Variants in MYCBP2 observed in about 807,000 individuals in gnomAD.
MYCBP2 encodes the protein MYC binding protein 2.
In MYCBP2, 120 loss-of-function variants were observed where a neutral mutation model predicts 525.3. The ratio of observed to expected loss-of-function variants is 0.23; its 90% CI spans 0.20 to 0.27. The LOEUF (loss-of-function observed/expected upper bound fraction) is 0.27, where lower values mean the gene tolerates loss of function less well. MYCBP2 is among the 10% of genes least tolerant of loss of function. The pLI is 1.00. For missense variants in MYCBP2, 4,149 were observed against 5,657.1 expected (o/e 0.73, Z 8.55); for synonymous variants, 1,894 against 1,955.8 (o/e 0.97, Z 0.83).
intron 39 of MYCBP2, 139 bp downstream of exon 39, chr13:77,169,475 T>C: frequency 1.6e-6 from 1 of 640,302 alleles, no homozygotes; most frequent in Middle Eastern, 4.4e-4. Flanking sequence ...AGTTTAATAA[T>C]TAGCAGATCT....
chr13:77,154,230 T>G (rs757902325), intron 46 of MYCBP2, among the ~76,000 whole-genome samples: 9 of 152,078 alleles, frequency 5.9e-5, no homozygotes, highest in Non-Finnish European at 1.5e-5. Context: ...TAGATAGTAT[T>G]TAGAGTGGTT....
chr13:77,062,535 G>C (rs1594138446), intron 74 of MYCBP2, 61 bp downstream of exon 74: 1 of 1,377,318 alleles, frequency 7.3e-7, no homozygotes, highest in East Asian at 2.3e-5. Flanking sequence ...TTGTTTTTAA[G>C]CTAAGCTAAA....
At chr13:77,295,335 T>A (rs1053417276) in intron 2 of MYCBP2, among the ~76,000 whole-genome samples, 1 of 152,128 alleles carries the variant, frequency 6.6e-6, no homozygotes, top group South Asian at 2.1e-4. Context: ...GGTTTCACCA[T>A]GTTGGCCAGG....
chr13:77,100,940 A>G (rs1457844552), intron 55 of MYCBP2, among the ~76,000 whole-genome samples: 1 of 152,124 alleles, frequency 6.6e-6, no homozygotes, highest in East Asian at 1.9e-4. Flanking sequence ...AAACTGTTCA[A>G]AAGTAGTTCA....
chr13:77,204,226 A>C (rs2063008833), intron 26 of MYCBP2, among the ~76,000 whole-genome samples: 1 of 152,136 alleles, frequency 6.6e-6, no homozygotes, highest in African/African-American at 2.4e-5. Context: ...CCCCATCAAA[A>C]AGTGGGTGAA....
rs79698158 is a variant in MYCBP2, at chr13:77,217,964, T to A, written c.2940-7A>T. ...AACAAGAGTGGGACATCCCCTAGGT[T>A]AAAAAAAAAAAAAGTAAGTCAATTT... On this transcript the variant is annotated splice_polypyrimidine_tract_variant and splice_region_variant and intron_variant, in intron 20 of 82. Transcript: ENST00000544440. 63 of 1,403,260 alleles carry A rather than the reference T, an allele frequency of 4.5e-5. No individual in the cohort carries two copies. In the East Asian group the frequency reaches 1.1e-3, roughly 26 times the overall value. The allele number at this position is 1,403,260 out of a possible 1,614,324, so 86.9% of individuals were successfully genotyped here. A position where few individuals can be genotyped will look rare whatever the true frequency, so the allele number is the denominator to read the frequency against.
In MYCBP2 at chr13:77,098,509, C is replaced by A; in HGVS notation, c.8645G>T (p.Arg2882Leu). The change falls in exon 56 of 83, where the codon CGC becomes CTC. Residue 2882 changes from arginine to leucine, a missense_variant. Physicochemically the swap from Arg to Leu is moderately radical, Grantham distance 102. Coordinates refer to ENST00000544440, the MANE Select transcript of MYCBP2 (RefSeq NM_015057.5). ...TTCTGTGAGGGGCATTTTCTTCTTG[C>A]GGAGGGTATCTGGATCAAGTGTGTA... ...DSYTLDPDTL[R>L]KKKMPLTEPL... 2 of 1,613,658 alleles carry A rather than the reference C, an allele frequency of 1.2e-6. No individual in the cohort carries two copies. Among genetic ancestry groups the A allele is most frequent in the Non-Finnish European group, 8.5e-7 (1 of 1,179,806 alleles).
In MYCBP2 at chr13:77,270,305, T is replaced by G. The variant is rs756984240; in HGVS notation, c.1179A>C (p.Gly393=). The G allele has an allele frequency of 6.2e-7, 1 of 1,611,162 alleles. No homozygotes were observed. Among genetic ancestry groups the G allele is most frequent in the Non-Finnish European group, 8.5e-7 (1 of 1,178,048 alleles). The change falls in exon 6 of 83, where the codon GGA becomes GGC. Residue 393 remains glycine, a synonymous_variant. Transcript: ENST00000544440. ...TAAGGAATCACATTACCCTAACTGT[T>G]CCACTGTATCCAGAGCCTATTTTAT... is the stretch of plus-strand genomic sequence containing the variant. The part of the protein sequence containing the change: ...GLYKIGSGYS[G]TVRGHIYNST...
At chr13:77,288,527 T>TC (rs2077127521) in intron 2 of MYCBP2, 151 bp from the exon 3 acceptor site, 1 of 680,690 alleles carries the variant, frequency 1.5e-6, no homozygotes, top group South Asian at 2.0e-5. Flanking sequence ...GGACCCAACT[T>TC]CTAGTCCCCT....
intron 32 of MYCBP2, among the ~76,000 whole-genome samples, chr13:77,184,349 T>C (rs970407060): frequency 6.6e-6 from 1 of 152,364 alleles, no homozygotes; most frequent in East Asian, 1.9e-4. Context: ...TGAAAATATA[T>C]TCTTTCACAT....
chr13:77,083,861 T>A (rs1430075833), intron 62 of MYCBP2, among the ~76,000 whole-genome samples: 2 of 152,144 alleles, frequency 1.3e-5, no homozygotes, highest in Non-Finnish European at 2.9e-5. Context: ...GCCACCTAGA[T>A]GCCCTCCCAC....
At chr13:77,314,009 G>A (rs2080602755) in intron 1 of MYCBP2, among the ~76,000 whole-genome samples, 1 of 151,902 alleles carries the variant, frequency 6.6e-6, no homozygotes, top group Non-Finnish European at 1.5e-5. Flanking sequence ...AACATCAAAT[G>A]TTGGCGAGGC....
intron 13 of MYCBP2, among the ~76,000 whole-genome samples, chr13:77,258,232 A>G (rs1414700521): frequency 1.3e-5 from 2 of 152,236 alleles, no homozygotes; most frequent in East Asian, 3.8e-4. Flanking sequence ...TAGTATATTG[A>G]CATGAAATTG....
At position 77,270,524 on chromosome 13, in the gene MYCBP2, T is replaced by C; in HGVS notation, c.960A>G (p.Leu320=). The C allele has an allele frequency of 6.2e-7, 1 of 1,606,770 alleles. No individual in the cohort carries two copies. The highest frequency in any genetic ancestry group is 8.5e-7 in the Non-Finnish European group (1 of 1,175,406). ...CTTGTACACTTCTCTGTAGCGAATT[T>C]AGAATTGTTGGCACCTAATCAAAAG... The part of the protein sequence containing the change: ...ACQTIQVPTI[L]NSLQRSVQAV... Residue 320 remains leucine, a synonymous_variant, in exon 6 of 83, where the codon CTA becomes CTG. Transcript: ENST00000544440.
intron 44 of MYCBP2, among the ~76,000 whole-genome samples, chr13:77,159,943 T>C (rs182866187): frequency 6.6e-6 from 1 of 152,318 alleles, no homozygotes; most frequent in Admixed American, 6.5e-5. Flanking sequence ...GGTACAAAGA[T>C]TTAACTTTAA....
At chr13:77,102,213 T>C (rs1408840579) in intron 55 of MYCBP2, among the ~76,000 whole-genome samples, 4 of 151,826 alleles carry the variant, frequency 2.6e-5, no homozygotes, top group Non-Finnish European at 4.4e-5. Flanking sequence ...GCATGATATA[T>C]AGCATATATC....
intron 52 of MYCBP2, among the ~76,000 whole-genome samples, chr13:77,128,541 A>G (rs1477264245): frequency 1.3e-5 from 2 of 151,928 alleles, no homozygotes; most frequent in Admixed American, 1.3e-4. Context: ...AAACTTGTTA[A>G]AAATTTAAAA....
chr13:77,300,552 T>C (rs534968972), intron 1 of MYCBP2, among the ~76,000 whole-genome samples: 1 of 152,310 alleles, frequency 6.6e-6, no homozygotes, highest in Admixed American at 6.5e-5. Context: ...TCTGTGGGTC[T>C]TTGTTTGCTC....
chr13:77,317,076 A>G (rs922294530), intron 1 of MYCBP2, among the ~76,000 whole-genome samples: 32 of 151,930 alleles, frequency 2.1e-4, no homozygotes, highest in African/African-American at 7.3e-4. Flanking sequence ...CAGCCTCCCA[A>G]TTAGCTGGGA....
Sources: allele counts gnomAD v4.1 joint callset (sites outside exome capture counted in the v4.1 genomes callset), GRCh38; gene constraint gnomAD v4.1.1; transcripts MANE v1.5; gene names NCBI Gene and HGNC (gene_info 2026-07-23, HGNC 2026-07-21).